Variants in DOCK2 observed in about 807,000 individuals in gnomAD.
DOCK2 encodes dedicator of cytokinesis protein 2.
DOCK2 carries 87 observed loss-of-function variants against 248.9 expected under a neutral mutation model. The ratio of observed to expected loss-of-function variants is 0.35; its 90% CI spans 0.29 to 0.42. The LOEUF (loss-of-function observed/expected upper bound fraction) is 0.42. DOCK2 is among the 10% of genes least tolerant of loss of function. The pLI is 1.00. For missense variants in DOCK2, 1,747 were observed against 2,300.2 expected (o/e 0.76, Z 4.92); for synonymous variants, 805 against 821.6 (o/e 0.98, Z 0.35).
chr5:169,918,284 A>G (rs752124435), intron 27 of DOCK2, among the ~76,000 whole-genome samples: 2 of 152,220 alleles, frequency 1.3e-5, no homozygotes, highest in African/African-American at 2.4e-5. Context: ...CTATCTCTCA[A>G]AATGTTGTGG....
chr5:170,008,399 G>A, intron 30 of DOCK2, 98 bp from the exon 31 acceptor site: 1 of 1,301,278 alleles, frequency 7.7e-7, no homozygotes, highest in Non-Finnish European at 1.1e-6. Context: ...TTCGGCCTCT[G>A]TCTTCTGCCA....
intron 9 of DOCK2, among the ~76,000 whole-genome samples, 175 bp downstream of exon 9, chr5:169,689,508 C>T (rs188567975): frequency 5.4e-4 from 82 of 152,272 alleles, no homozygotes; most frequent in African/African-American, 1.9e-3. Context: ...AGGAAGCTTT[C>T]GGAAAGATGG....
At chr5:169,719,226 G>C (rs1464163762) in intron 22 of DOCK2, among the ~76,000 whole-genome samples, 1 of 152,194 alleles carries the variant, frequency 6.6e-6, no homozygotes, top group Non-Finnish European at 1.5e-5. Flanking sequence ...CTGTCCTTGA[G>C]ATCCTAGTAG....
chr5:169,906,491 G>A (rs1327475664), intron 27 of DOCK2, among the ~76,000 whole-genome samples: 2 of 152,136 alleles, frequency 1.3e-5, no homozygotes, highest in Non-Finnish European at 2.9e-5. Context: ...GTTACGTTAT[G>A]TTATGTTATT....
At chr5:169,962,165 C>A (rs1480867851) in intron 27 of DOCK2, among the ~76,000 whole-genome samples, 1 of 151,880 alleles carries the variant, frequency 6.6e-6, no homozygotes, top group Admixed American at 6.6e-5. Flanking sequence ...TTTAAAAAGT[C>A]TACTCTGGTT....
intron 34 of DOCK2, 29 bp downstream of exon 34, chr5:170,027,977 A>G (rs1388450850): frequency 1.3e-6 from 2 of 1,592,528 alleles, no homozygotes; most frequent in South Asian, 2.3e-5. Flanking sequence ...GTGTAGGAAC[A>G]GCCTGTGAAG....
chr5:169,978,493 G>C (rs577057593), intron 27 of DOCK2, among the ~76,000 whole-genome samples: 8 of 151,084 alleles, frequency 5.3e-5, no homozygotes, highest in South Asian at 2.1e-4. Context: ...TCAATATCAT[G>C]ATGATGATGA....
At chr5:169,948,074 G>A (rs1306039532) in intron 27 of DOCK2, among the ~76,000 whole-genome samples, 1 of 152,040 alleles carries the variant, frequency 6.6e-6, no homozygotes, top group Non-Finnish European at 1.5e-5. Context: ...GTAAGGCACC[G>A]AGAGAAGAGC....
chr5:169,797,835 G>A (rs1472335603), intron 25 of DOCK2, among the ~76,000 whole-genome samples: 2 of 152,138 alleles, frequency 1.3e-5, no homozygotes, highest in Non-Finnish European at 2.9e-5. Flanking sequence ...GCAGCAATTT[G>A]GAAATGCTGC....
chr5:169,875,273 G>A (rs1296181466), intron 27 of DOCK2: 1 of 456,542 alleles, frequency 2.2e-6, no homozygotes, highest in East Asian at 6.9e-5. Context: ...CACACTCTCT[G>A]ATTCAGTGGC....
In DOCK2 at chr5:169,852,105, G is replaced by A. The variant is rs538257734; in HGVS notation, c.2799+11253G>A. Among the ~76,000 whole-genome samples the A allele has an allele frequency of 9.2e-5, 14 of 152,244 alleles. No individual in the cohort carries two copies. In the South Asian group the frequency reaches 2.7e-3, roughly 29 times the overall value. ...AGAGAGGGAAAGAGAGAGAAATAGA[G>A]TTTGGAAATTGTTCAGCAAGAGCTG... On this transcript the variant is annotated intron_variant, in intron 27 of 51. Transcript: ENST00000520908.
chr5:170,082,659 G>A (rs973237683), intron 51 of DOCK2, 137 bp from the exon 52 acceptor site: 5 of 1,114,934 alleles, frequency 4.5e-6, no homozygotes, highest in South Asian at 1.5e-5. Context: ...CAAAGCCAAG[G>A]GCATAGCAGC....
chr5:169,687,128 C>T (rs1031329490), intron 8 of DOCK2, among the ~76,000 whole-genome samples: 1 of 152,048 alleles, frequency 6.6e-6, no homozygotes, highest in Non-Finnish European at 1.5e-5. Flanking sequence ...CAAGCTGGGT[C>T]ACTGAGGGGC....
At chr5:169,825,887 A>G (rs1581248018) in intron 26 of DOCK2, among the ~76,000 whole-genome samples, 1 of 151,656 alleles carries the variant, frequency 6.6e-6, no homozygotes, top group African/African-American at 2.4e-5. Flanking sequence ...ACAACACTAC[A>G]CCCTCTTGGT....
chr5:169,847,114 G>A (rs961618584), intron 27 of DOCK2, among the ~76,000 whole-genome samples: 1 of 152,158 alleles, frequency 6.6e-6, no homozygotes. Flanking sequence ...ACTTAGGTTG[G>A]TTCCACATGT....
At chr5:170,073,058 T>C (rs1033220135) in intron 46 of DOCK2, among the ~76,000 whole-genome samples, 2 of 152,210 alleles carry the variant, frequency 1.3e-5, no homozygotes, top group African/African-American at 4.8e-5. Flanking sequence ...TGCTTTTGTG[T>C]CCACTTTAAG....
chr5:169,801,075 C>G (rs1470154422), intron 25 of DOCK2, among the ~76,000 whole-genome samples: 2 of 140,344 alleles, frequency 1.4e-5, no homozygotes, highest in Admixed American at 7.6e-5. Context: ...CTGGCTTAAG[C>G]TATTCTCCTG....
At chr5:169,699,292 G>A in intron 11 of DOCK2, 90 bp from the exon 12 acceptor site, 1 of 1,267,404 alleles carries the variant, frequency 7.9e-7, no homozygotes, top group East Asian at 2.4e-5. Context: ...TTCACCTGAG[G>A]CGTGTGGAGG....
chr5:169,752,873 T>C (rs913442695), intron 23 of DOCK2, among the ~76,000 whole-genome samples: 6 of 152,118 alleles, frequency 3.9e-5, no homozygotes, highest in Non-Finnish European at 7.3e-5. Context: ...GAGATCAGCC[T>C]GGCCAACATG....
Sources: gnomAD v4.1 joint callset for allele counts (sites outside exome capture counted in the v4.1 genomes callset) on GRCh38, gnomAD v4.1.1 for gene constraint, MANE v1.5 for transcripts, NCBI Gene and HGNC (gene_info 2026-07-23, HGNC 2026-07-21) for gene names.